The following C3orf52 variants were observed in gnomAD, a reference collection of about 807,000 sequenced individuals.
The protein encoded by C3orf52 is TPA-induced transmembrane protein.
In C3orf52, 22 loss-of-function variants were observed where a neutral mutation model predicts 24.8. The ratio of observed to expected loss-of-function variants is 0.89; its 90% CI spans 0.63 to 1.27. The LOEUF (loss-of-function observed/expected upper bound fraction) is 1.27, where lower values mean the gene tolerates loss of function less well. C3orf52 is among the 50% of genes most tolerant of loss of function. C3orf52 has a pLI of 0.00. For synonymous variants in C3orf52, 93 were observed against 100.2 expected (o/e 0.93, Z 0.43); for missense variants, 265 against 260.7 (o/e 1.02, Z -0.11).
chr3:112,091,155 C>T (rs62280198), intron 1 of C3orf52, among the ~76,000 whole-genome samples: 25,846 of 152,156 alleles, frequency 0.17, 2,711 homozygotes, highest in Middle Eastern at 0.25. Flanking sequence ...AACATTTGTC[C>T]CCTCATCTAG....
At chr3:112,133,380 C>T (rs139887150), downstream of C3orf52, 32 of 429,766 alleles carry the variant, frequency 7.4e-5, no homozygotes, top group African/African-American at 1.0e-4. Context: ...AGCAACTACC[C>T]GTCAATGAGA....
At chr3:112,103,211 A>T (rs1323972500) in intron 3 of C3orf52, among the ~76,000 whole-genome samples, 1 of 152,128 alleles carries the variant, frequency 6.6e-6, no homozygotes, top group Non-Finnish European at 1.5e-5. Flanking sequence ...GGCCTACTTA[A>T]GGGCGGAGGG....
intron 3 of C3orf52, among the ~76,000 whole-genome samples, chr3:112,108,583 C>T (rs1162909320): frequency 4.6e-5 from 7 of 152,144 alleles, no homozygotes; most frequent in African/African-American, 1.7e-4. Context: ...TGCATGTGAT[C>T]ATCATCAGAG....
intron 2 of C3orf52, among the ~76,000 whole-genome samples, chr3:112,100,236 A>T (rs2073960022): frequency 6.6e-6 from 1 of 152,058 alleles, no homozygotes; most frequent in Non-Finnish European, 1.5e-5. Context: ...ACAACACTCC[A>T]TTACCCCTTG....
At chr3:112,109,229 C>T (rs570920458) in intron 3 of C3orf52, among the ~76,000 whole-genome samples, 2 of 152,294 alleles carry the variant, frequency 1.3e-5, no homozygotes, top group East Asian at 3.9e-4. Flanking sequence ...CTTCTCTTCT[C>T]TCCTTCCTAT....
At chr3:112,132,332 C>A (rs2074476426), downstream of C3orf52, among the ~76,000 whole-genome samples, 1 of 152,088 alleles carries the variant, frequency 6.6e-6, no homozygotes. Context: ...CTGTGAAGAC[C>A]CCCTCTGGCT....
downstream of C3orf52, chr3:112,119,435 G>C (rs989180506): frequency 2.8e-6 from 2 of 702,418 alleles, no homozygotes; most frequent in Non-Finnish European, 5.2e-6. Flanking sequence ...AGAGAAAAGA[G>C]TGGTCAGTAT....
downstream of C3orf52, chr3:112,129,907 A>G (rs2074411418): frequency 6.5e-6 from 1 of 152,734 alleles, no homozygotes; most frequent in African/African-American, 2.4e-5. Flanking sequence ...CATTAGTTCC[A>G]TATTTTAATT....
chr3:112,113,257 G>A (rs117437624), intron 5 of C3orf52, 112 bp downstream of exon 5: 8,598 of 772,318 alleles, frequency 0.011, 235 homozygotes, highest in South Asian at 0.069. Flanking sequence ...TACTGTGTCA[G>A]ACTATTCATT....
downstream of C3orf52, chr3:112,132,645 A>G (rs1370201400): frequency 2.1e-5 from 21 of 986,818 alleles, no homozygotes; most frequent in Non-Finnish European, 2.4e-5. Context: ...ACCTGCTTGC[A>G]GGGAGTGCAC....
At chr3:112,118,725 C>T (rs963800419), downstream of C3orf52, among the ~76,000 whole-genome samples, 4 of 152,086 alleles carry the variant, frequency 2.6e-5, no homozygotes, top group African/African-American at 9.7e-5. Flanking sequence ...ATCTACTGGT[C>T]ATCACACAAC....
chr3:112,109,833 A>C, intron 4 of C3orf52: 1 of 435,860 alleles, frequency 2.3e-6, no homozygotes, highest in East Asian at 3.7e-5. Flanking sequence ...TTAATGGTAT[A>C]ATTCAACCAG....
downstream of C3orf52, chr3:112,130,847 A>G (rs1278494634): frequency 5.8e-6 from 2 of 342,606 alleles, no homozygotes; most frequent in Non-Finnish European, 1.1e-5. Context: ...GTCCTCAGCT[A>G]CCATCTCTTT....
intron 4 of C3orf52, among the ~76,000 whole-genome samples, chr3:112,111,190 C>T (rs1043150004): frequency 1.3e-5 from 2 of 152,224 alleles, no homozygotes; most frequent in African/African-American, 4.8e-5. Context: ...GCCTGTGACA[C>T]AGAGAGACTC....
intron 4 of C3orf52, among the ~76,000 whole-genome samples, chr3:112,126,183 C>T (rs1488387595): frequency 1.3e-5 from 2 of 152,120 alleles, no homozygotes; most frequent in South Asian, 2.1e-4. Flanking sequence ...TTCCCTGGGA[C>T]CCACGACTCC....
intron 3 of C3orf52, among the ~76,000 whole-genome samples, chr3:112,106,079 G>C (rs1362788699): frequency 6.6e-6 from 1 of 152,128 alleles, no homozygotes; most frequent in Non-Finnish European, 1.5e-5. Context: ...TGTCCTTTCA[G>C]GTGTGCCACT....
intron 2 of C3orf52, among the ~76,000 whole-genome samples, chr3:112,093,825 G>C (rs577567870): frequency 6.6e-6 from 1 of 152,030 alleles, no homozygotes; most frequent in East Asian, 1.9e-4. Flanking sequence ...GATACCTGTT[G>C]ATTTGAATTC....
At chr3:112,133,979 C>CT (rs1559990561), downstream of C3orf52, 1 of 152,348 alleles carries the variant, frequency 6.6e-6, no homozygotes, top group Non-Finnish European at 1.5e-5. Context: ...TCCAGCCCCC[C>CT]TATCCCGTGC....
chr3:112,109,457 C>A, intron 3 of C3orf52, 86 bp from the exon 4 acceptor site: 1 of 729,848 alleles, frequency 1.4e-6, no homozygotes, highest in Non-Finnish European at 2.3e-6. Flanking sequence ...ATCTCCTCTG[C>A]CTTAGAAGCA....
Sources: allele counts gnomAD v4.1 joint callset (sites outside exome capture counted in the v4.1 genomes callset), GRCh38; gene constraint gnomAD v4.1.1; transcripts MANE v1.5; gene names NCBI Gene and HGNC (gene_info 2026-07-23, HGNC 2026-07-21).